The following HP1BP3 variants were observed in gnomAD, a reference collection of about 807,000 sequenced individuals.
HP1BP3 encodes the protein heterochromatin protein 1 binding protein 3, also known as heterochromatin protein 1-binding protein 3.
HP1BP3 carries 12 observed loss-of-function variants against 62.5 expected under a neutral mutation model. The observed-to-expected ratio is 0.19, with a 90% CI of 0.12 to 0.31. The LOEUF (loss-of-function observed/expected upper bound fraction) is 0.31, where lower values mean the gene tolerates loss of function less well. Ranked by LOEUF, HP1BP3 falls within the 10% of genes least tolerant of loss-of-function variation. HP1BP3 has a pLI of 1.00. For synonymous variants in HP1BP3, 260 were observed against 237.8 expected, an observed-to-expected ratio of 1.09 and a Z score of -0.86; for missense variants, 502 against 651.8, an observed-to-expected ratio of 0.77 and a Z score of 2.50.
chr1:20,750,026 C>A lies in HP1BP3; in HGVS notation c.982-144G>T, dbSNP rs2055609121. ...AATAAATTGTCAGCTTAGGGACTTT[C>A]TCTTCCCATTCAACAGGTATTCAAT... On this transcript the variant is annotated intron_variant, in intron 9 of 12. Transcript: ENST00000438032. The A allele has an allele frequency of 3.5e-6, 5 of 1,423,228 alleles. No individual in the cohort carries two copies. In the African/African-American group the frequency reaches 5.8e-5, roughly 16 times the overall value. The allele number at this position is 1,423,228 out of a possible 1,614,324, so 88.2% of individuals were successfully genotyped here.
In HP1BP3 at chr1:20,776,631, CCTT is replaced by C. The variant is rs1405022856; in HGVS notation, c.313_315del (p.Lys105del). 5 of 1,613,266 alleles carry C rather than the reference CCTT, an allele frequency of 3.1e-6. No individual in the cohort carries two copies. The stretch of plus-strand genomic sequence containing the variant: ...GTTTCCTCAGAAGACTTATTTTCTT[CCTT>C]CTCTTCATTCTCAGGTTCCCCCTTT... On this transcript the variant is annotated inframe_deletion, in exon 4 of 13. Coordinates refer to ENST00000438032, the MANE Select transcript of HP1BP3 (RefSeq NM_001372052.1).
intron 10 of HP1BP3, 41 bp downstream of exon 10, chr1:20,749,682 A>G (rs2055591542): frequency 6.4e-7 from 1 of 1,562,226 alleles, no homozygotes; most frequent in Non-Finnish European, 8.7e-7. Flanking sequence ...TCAAAAGAAA[A>G]TTCTCCTAAT....
At chr1:20,782,199 AG>A (rs1248346890) in intron 1 of HP1BP3, among the ~76,000 whole-genome samples, 1 of 152,146 alleles carries the variant, frequency 6.6e-6, no homozygotes, top group Non-Finnish European at 1.5e-5. Flanking sequence ...GCACTTTGGG[AG>A]GCAGAGGTGG....
intron 8 of HP1BP3, among the ~76,000 whole-genome samples, chr1:20,762,007 T>C (rs909430334): frequency 6.6e-6 from 1 of 152,190 alleles, no homozygotes; most frequent in Non-Finnish European, 1.5e-5. Flanking sequence ...GGATAAAGTC[T>C]GACTAAAGTG....
intron 6 of HP1BP3, 134 bp downstream of exon 6, chr1:20,770,796 G>T: frequency 1.5e-6 from 1 of 678,616 alleles, no homozygotes; most frequent in Non-Finnish European, 2.3e-6. Flanking sequence ...ATTCAACTAG[G>T]TTAAACTTAA....
intron 10 of HP1BP3, among the ~76,000 whole-genome samples, chr1:20,748,727 G>GC (rs950585972): frequency 5.3e-5 from 8 of 151,164 alleles, no homozygotes; most frequent in African/African-American, 9.7e-5. Context: ...GCACCACTGC[G>GC]CCCCCCAGCC....
rs1392319171 is a variant in HP1BP3, at chr1:20,765,407, T to C, written c.860A>G (p.Gln287Arg). 6.2e-7 allele frequency: 1 copy of C among 1,613,100 alleles called. No homozygotes were observed. Among genetic ancestry groups the C allele is most frequent in the Admixed American group, 1.7e-5 (1 of 59,886 alleles). The change falls in exon 8 of 13, where the codon CAG becomes CGG. Residue 287 changes from glutamine (Q) to arginine (R), a missense_variant. Physicochemically the swap from Gln to Arg is conservative, Grantham distance 43. Coordinates refer to ENST00000438032, the MANE Select transcript of HP1BP3 (RefSeq NM_001372052.1). The part of the protein sequence containing the change: ...SYSLIRKYVS[Q>R]YYPKLRVDIR... ...GTCCACTCTAAGCTTAGGATAATAC[T>C]GAGACACATATTTCCTGATGAGACT...
chr1:20,776,651 T>A lies in HP1BP3; in HGVS notation c.296A>T (p.Glu99Val). 6.2e-7 allele frequency: 1 copy of A among 1,614,000 alleles called. No homozygotes were observed. Among genetic ancestry groups the A allele is most frequent in the South Asian group, 1.1e-5 (1 of 91,050 alleles). Reference sequence around the variant, plus strand: ...TTCTTCCTTCTCTTCATTCTCAGGTTCCCCCTTTGGCTGCTCTGCCTCACT... The same window carrying A: ...TTCTTCCTTCTCTTCATTCTCAGGTACCCCCTTTGGCTGCTCTGCCTCACT... ...TSSEAEQPKG[E>V]PENEEKEENK... Residue 99 changes from glutamate to valine, a missense_variant, in exon 4 of 13, where the codon GAA becomes GTA. Glu to Val is a moderately radical substitution (Grantham distance 121, BLOSUM62 -2). Transcript: ENST00000438032.
In HP1BP3 at chr1:20,742,553, G is replaced by C. The variant is rs890167295; in HGVS notation, c.*2244C>G. The stretch of plus-strand genomic sequence containing the variant: ...TTCCAAAACACATGAACTGGAGCTT[G>C]TATTTAAAAAGGAAAATGATGGTGT... On this transcript the variant is annotated 3_prime_UTR_variant, in exon 13 of 13. Transcript: ENST00000438032. 2 of 152,512 alleles carry C rather than the reference G, an allele frequency of 1.3e-5. No individual in the cohort carries two copies. Among genetic ancestry groups the C allele is most frequent in the African/African-American group, 4.8e-5 (2 of 41,416 alleles). The allele number at this position is 152,512 out of a possible 1,614,324, so 9.4% of individuals were successfully genotyped here.
In HP1BP3 at chr1:20,743,564, G is replaced by C. The variant is rs1282817361; in HGVS notation, c.*1233C>G. On this transcript the variant is annotated 3_prime_UTR_variant, in exon 13 of 13. Transcript: ENST00000438032. ...TGTAGGACCCAACTCAGGAGGCTGA[G>C]GTGGGAGAATCGCTTGAACCTGGGA... 1 of 152,092 alleles carries C rather than the reference G, an allele frequency of 6.6e-6. No homozygotes were observed. Among genetic ancestry groups the C allele is most frequent in the Admixed American group, 6.6e-5 (1 of 15,252 alleles). 9.4% of individuals were successfully genotyped at this position (152,092 alleles called of 1,614,324 possible). A position where few individuals can be genotyped will look rare whatever the true frequency, so the allele number is the denominator to read the frequency against.
chr1:20,767,331 G>A (rs1352998283), intron 7 of HP1BP3, among the ~76,000 whole-genome samples: 1 of 152,138 alleles, frequency 6.6e-6, no homozygotes, highest in Non-Finnish European at 1.5e-5. Flanking sequence ...AAAAAACAGT[G>A]TAATTTATAT....
intron 1 of HP1BP3, among the ~76,000 whole-genome samples, chr1:20,786,872 GA>G (rs2057864762): frequency 6.6e-6 from 1 of 152,146 alleles, no homozygotes; most frequent in African/African-American, 2.4e-5. Context: ...GGCGCGCTGG[GA>G]CGCAGGGTCG....
chr1:20,783,448 G>A lies in HP1BP3; in HGVS notation c.-100-2908C>T, dbSNP rs572920070. ...GGAGAAGAATCACTTGAACCTGGGA[G>A]GCGGAGGTTGCAGTGACCTGAGATC... On this transcript the variant is annotated intron_variant, in intron 1 of 12. Transcript: ENST00000438032. 1.2e-3 allele frequency among the ~76,000 whole-genome samples: 175 copies of A among 152,146 alleles called. 1 individual carries two copies. In the Middle Eastern group the frequency reaches 0.014, roughly 12 times the overall value.
chr1:20,786,256 G>A (rs1306544295), intron 1 of HP1BP3: 1 of 152,312 alleles, frequency 6.6e-6, no homozygotes, highest in Admixed American at 6.5e-5. Context: ...GACCTACCGA[G>A]GCACCGCTCT....
chr1:20,760,213 G>A (rs748263928), intron 8 of HP1BP3, among the ~76,000 whole-genome samples: 5 of 152,022 alleles, frequency 3.3e-5, no homozygotes, highest in Non-Finnish European at 5.9e-5. Flanking sequence ...TAACTGTGAC[G>A]GGATTGGGAA....
At chr1:20,745,874 T>C (rs74803964) in intron 11 of HP1BP3, among the ~76,000 whole-genome samples, 4,511 of 152,304 alleles carry the variant, frequency 0.03, 236 homozygotes, top group African/African-American at 0.1. Context: ...CCTAATTCTA[T>C]ACCCACTATT....
intron 10 of HP1BP3, 66 bp from the exon 11 acceptor site, chr1:20,747,721 A>C: frequency 2.2e-6 from 2 of 898,000 alleles, no homozygotes; most frequent in Middle Eastern, 4.5e-4. Context: ...CCTCAACCAC[A>C]AACAGATGCC....
At chr1:20,777,693 C>T (rs997407523) in intron 3 of HP1BP3, among the ~76,000 whole-genome samples, 1 of 152,118 alleles carries the variant, frequency 6.6e-6, no homozygotes, top group Admixed American at 6.5e-5. Flanking sequence ...CTCCTGACCT[C>T]GTGATCCACC....
rs2057030449 is a variant in HP1BP3 at position 20,770,957 on chromosome 1, T to C, written c.627A>G (p.Arg209=). The change falls in exon 6 of 13, where the codon AGA becomes AGG. Residue 209 remains arginine (R), a synonymous_variant. Transcript: ENST00000438032. ...RGYLLKQALK[R]ELNRGVIKQV... ...GTTTGATGACTCCTCTATTTAATTC[T>C]CTTTTCAGTGCTTGTTTAAGGAGAT... 1 of 1,606,152 alleles carries C rather than the reference T, an allele frequency of 6.2e-7. No homozygotes were observed. Among genetic ancestry groups the C allele is most frequent in the Non-Finnish European group, 8.5e-7 (1 of 1,177,496 alleles).
Sources: gnomAD v4.1 joint callset for allele counts (sites outside exome capture counted in the v4.1 genomes callset) on GRCh38, gnomAD v4.1.1 for gene constraint, MANE v1.5 for transcripts, NCBI Gene and HGNC (gene_info 2026-07-23, HGNC 2026-07-21) for gene names.